NCF2: variants seen among roughly 807,000 people sequenced by gnomAD.
NCF2 encodes neutrophil cytosolic factor 2.
A neutral mutation model predicts 70.9 loss-of-function variants in NCF2; 45 were observed. The ratio of observed to expected loss-of-function variants is 0.63; its 90% CI spans 0.50 to 0.81. The LOEUF is 0.81. Ranked by LOEUF, NCF2 falls within the 40% of genes least tolerant of loss-of-function variation. NCF2 has a pLI of 0.00. For missense variants in NCF2, 522 were observed against 631.6 expected, an observed-to-expected ratio of 0.83 and a Z score of 1.86; for synonymous variants, 203 against 233.6, an observed-to-expected ratio of 0.87 and a Z score of 1.19.
At chr1:183,566,887 G>A (rs1672322258) in intron 9 of NCF2, 33 bp downstream of exon 9, 2 of 1,612,270 alleles carry the variant, frequency 1.2e-6, no homozygotes, top group Non-Finnish European at 1.7e-6. Flanking sequence ...TAAAGGGTGA[G>A]AGGAAATGGG....
chr1:183,585,663 C>T (rs1673316779), intron 2 of NCF2, among the ~76,000 whole-genome samples: 1 of 147,556 alleles, frequency 6.8e-6, no homozygotes, highest in South Asian at 2.1e-4. Flanking sequence ...GAGCCAAATT[C>T]CTCTTCCCTA....
At chr1:183,588,943 GA>G in intron 1 of NCF2, among the ~76,000 whole-genome samples, 1 of 152,324 alleles carries the variant, frequency 6.6e-6, no homozygotes, top group Middle Eastern at 3.4e-3. Context: ...TCTTCTCCTG[GA>G]CAATGTGCAC....
At chr1:183,574,032 G>A (rs956956955) in intron 4 of NCF2, among the ~76,000 whole-genome samples, 2 of 152,264 alleles carry the variant, frequency 1.3e-5, no homozygotes, top group African/African-American at 4.8e-5. Flanking sequence ...AGAGGCTGCA[G>A]TGAGCTGAGA....
chr1:183,556,335 C>T, intron 14 of NCF2, 105 bp from the exon 15 acceptor site: 1 of 970,794 alleles, frequency 1.0e-6, no homozygotes, highest in Non-Finnish European at 1.6e-6. Flanking sequence ...TTCCCCACCC[C>T]TAATTGTGAT....
At chr1:183,589,973 C>A (rs1673563556) in intron 1 of NCF2, among the ~76,000 whole-genome samples, 183 bp downstream of exon 1, 1 of 152,142 alleles carries the variant, frequency 6.6e-6, no homozygotes, top group Non-Finnish European at 1.5e-5. Flanking sequence ...ACCTGGAGAG[C>A]TTTTAAAACT....
intron 13 of NCF2, among the ~76,000 whole-genome samples, chr1:183,561,733 G>A (rs191529432): frequency 5.6e-5 from 8 of 143,612 alleles, no homozygotes; most frequent in African/African-American, 1.1e-4. Context: ...GGCCCATCTC[G>A]GCCTCCCAAA....
intron 6 of NCF2, among the ~76,000 whole-genome samples, chr1:183,569,773 G>A (rs1672465226): frequency 6.6e-6 from 1 of 152,076 alleles, no homozygotes; most frequent in South Asian, 2.1e-4. Flanking sequence ...ATTTTTAGTA[G>A]GGACAGGGGT....
chr1:183,590,031 G>C, intron 1 of NCF2, 125 bp downstream of exon 1: 3 of 1,427,208 alleles, frequency 2.1e-6, no homozygotes, highest in Non-Finnish European at 3.0e-6. Context: ...CTGTCTAGGG[G>C]TGGAGCTTGG....
chr1:183,577,311 C>T (rs191077902), intron 3 of NCF2, among the ~76,000 whole-genome samples: 6 of 152,350 alleles, frequency 3.9e-5, no homozygotes, highest in Non-Finnish European at 5.9e-5. Flanking sequence ...CCAACACACT[C>T]GTGTCCAGCC....
chr1:183,563,856 G>A, intron 11 of NCF2, 149 bp downstream of exon 11: 1 of 933,484 alleles, frequency 1.1e-6, no homozygotes, highest in East Asian at 2.4e-5. Context: ...CTATTAAGAA[G>A]GTCCCTAGCT....
Position 183,590,127 on chromosome 1 carries a change from G to T in NCF2, c.174+29C>A, listed in dbSNP as rs763196537. ...GAATCATAATAACAAATGCACAGAG[G>T]AGGCCCGGAAAGAGGCACCTCCACT... is the stretch of plus-strand genomic sequence containing the variant. On this transcript the variant is annotated intron_variant, in intron 1 of 14. Coordinates refer to ENST00000367535, the MANE Select transcript of NCF2 (RefSeq NM_000433.4). 50 of 1,613,746 alleles carry T rather than the reference G, an allele frequency of 3.1e-5. No individual in the cohort carries two copies. The East Asian group carries it at 9.6e-4, about 31-fold the overall frequency.
At chr1:183,564,701 A>T (rs754618147) in intron 10 of NCF2, among the ~76,000 whole-genome samples, 3 of 152,230 alleles carry the variant, frequency 2.0e-5, no homozygotes, top group Non-Finnish European at 4.4e-5. Flanking sequence ...TCCTAGGTTT[A>T]TATGTGATCC....
At chr1:183,583,619 T>C (rs894501564) in intron 2 of NCF2, among the ~76,000 whole-genome samples, 2 of 152,242 alleles carry the variant, frequency 1.3e-5, no homozygotes, top group Non-Finnish European at 2.9e-5. Context: ...AAAGATTTCT[T>C]ACGAAATTCG....
At chr1:183,597,579 C>T in the NCF2 span, among the ~76,000 whole-genome samples, 7 of 152,246 alleles carry the variant, frequency 4.6e-5, no homozygotes, top group South Asian at 1.5e-3. Flanking sequence ...GAACATAGTA[C>T]CCGATAGGTG....
At chr1:183,556,337 A>C in intron 14 of NCF2, 107 bp from the exon 15 acceptor site, 1 of 939,032 alleles carries the variant, frequency 1.1e-6, no homozygotes, top group South Asian at 1.3e-5. Flanking sequence ...CCCCACCCCT[A>C]ATTGTGATCA....
In NCF2 at chr1:183,574,579, A is replaced by T. The variant is rs137854516; in HGVS notation, c.409T>A (p.Trp137Arg). Residue 137 changes from tryptophan (W) to arginine (R), a missense_variant, in exon 4 of 15, where the codon TGG becomes AGG. Trp to Arg is a moderately radical substitution (Grantham distance 101). Coordinates refer to ENST00000367535, the MANE Select transcript of NCF2 (RefSeq NM_000433.4). The part of the protein sequence containing the change: ...IAFMYAKKEE[W>R]KKAEEQLALA... ...GCTAACTGTTCTTCAGCTTTTTTCC[A>T]TTCCTCCTTCTTGGCATACATGAAA... 6.2e-7 allele frequency: 1 copy of T among 1,614,108 alleles called. No individual in the cohort carries two copies.
intron 11 of NCF2, 162 bp from the exon 12 acceptor site, chr1:183,563,747 T>C: frequency 1.1e-6 from 1 of 896,548 alleles, no homozygotes; most frequent in Non-Finnish European, 1.7e-6. Context: ...CCTTCAGAGG[T>C]CCTTTAGCCC....
chr1:183,595,445 A>G (rs1673747393), upstream of NCF2, among the ~76,000 whole-genome samples: 1 of 152,222 alleles, frequency 6.6e-6, no homozygotes, highest in Admixed American at 6.5e-5. Context: ...ATGGCTTAAA[A>G]TAACACACAT....
At position 183,590,212 on chromosome 1, in the gene NCF2, A is replaced by G. The variant is rs979104686; in HGVS notation, c.118T>C (p.Cys40Arg). The G allele has an allele frequency of 6.2e-7, 1 of 1,614,198 alleles. No homozygotes were observed. Among genetic ancestry groups the G allele is most frequent in the Non-Finnish European group, 8.5e-7 (1 of 1,180,036 alleles). The change falls in exon 1 of 15, where the codon TGC becomes CGC. Residue 40 changes from cysteine to arginine, a missense_variant. By Grantham distance (180) the Cys-to-Arg change is radical (BLOSUM62 -3). Coordinates refer to ENST00000367535, the MANE Select transcript of NCF2 (RefSeq NM_000433.4). ...GTGTACATGCAGCCAATGTTGAAGC[A>G]AATCCGGGAGTGGGGGTCCTGGACG... is the stretch of plus-strand genomic sequence containing the variant. ...SAVQDPHSRI[C>R]FNIGCMYTIL...
Sources: gnomAD v4.1 joint callset for allele counts (sites outside exome capture counted in the v4.1 genomes callset) on GRCh38, gnomAD v4.1.1 for gene constraint, MANE v1.5 for transcripts, NCBI Gene and HGNC (gene_info 2026-07-23, HGNC 2026-07-21) for gene names.